ZFP64: variants seen among roughly 807,000 people sequenced by gnomAD.
ZFP64 encodes ZFP64 zinc finger protein, also known as zinc finger protein 64.
A neutral mutation model predicts 51.6 loss-of-function variants in ZFP64; 14 were observed. That is an observed-to-expected ratio of 0.27 (90% confidence interval 0.18 to 0.42). The LOEUF (loss-of-function observed/expected upper bound fraction) is 0.42, where lower values mean the gene tolerates loss of function less well. Ranked by LOEUF, ZFP64 falls within the 10% of genes least tolerant of loss-of-function variation. The pLI is 1.00. For synonymous variants in ZFP64, 375 were observed against 361.4 expected (o/e 1.04, Z -0.43); for missense variants, 754 against 906.8 (o/e 0.83, Z 2.16).
At chr20:52,185,860 C>CATGA (rs1983927480) in intron 2 of ZFP64, among the ~76,000 whole-genome samples, 1 of 152,090 alleles carries the variant, frequency 6.6e-6, no homozygotes, top group African/African-American at 2.4e-5. Context: ...GGATTACAGG[C>CATGA]ATGAGCCACC....
Position 52,152,808 on chromosome 20 carries a change from G to T in ZFP64, c.1384C>A (p.Gln462Lys). Residue 462 changes from glutamine to lysine, a missense_variant, in exon 6 of 6, where the codon CAG becomes AAG. This residue lies in a region of ZFP64 where 428 missense variants were observed against 472.4 expected (regional missense o/e 0.91). Transcript: ENST00000216923. ...TGCTTGCTGGGGTCGATCTGAAACT[G>T]GAGAACGGTCACGTCCGAGTTCTTA... ...ESKNSDVTVL[Q>K]FQIDPSKQPA... 1 of 1,612,158 alleles carries T rather than the reference G, an allele frequency of 6.2e-7. No individual in the cohort carries two copies.
intron 1 of ZFP64, among the ~76,000 whole-genome samples, chr20:52,190,093 G>C (rs145318446): frequency 6.6e-6 from 1 of 152,250 alleles, no homozygotes; most frequent in Non-Finnish European, 1.5e-5. Context: ...ACTTGCTAAG[G>C]AGACTGGGCT....
At chr20:52,088,700 A>G in intron 7 of ZFP64, 1 of 1,609,644 alleles carries the variant, frequency 6.2e-7, no homozygotes, top group Non-Finnish European at 8.5e-7. Context: ...GGCTACAAAG[A>G]TTTGACCAAG....
At chr20:52,103,947 T>C (rs915707488) in intron 5 of ZFP64, among the ~76,000 whole-genome samples, 2 of 152,186 alleles carry the variant, frequency 1.3e-5, no homozygotes, top group Non-Finnish European at 2.9e-5. Context: ...CCAGACCGAC[T>C]GTGGTGGAAG....
At chr20:52,139,949 C>G (rs1459788505) in intron 5 of ZFP64, among the ~76,000 whole-genome samples, 3 of 150,536 alleles carry the variant, frequency 2.0e-5, no homozygotes, top group South Asian at 2.1e-4. Flanking sequence ...CTTGGGGTCT[C>G]TGTGTCATAT....
intron 5 of ZFP64, among the ~76,000 whole-genome samples, chr20:52,123,076 C>T (rs565079525): frequency 1.3e-4 from 20 of 152,204 alleles, no homozygotes; most frequent in African/African-American, 4.1e-4. Context: ...CTGCAACCTC[C>T]ACCTCCTGGG....
chr20:52,124,588 A>G (rs1979356313), intron 5 of ZFP64, among the ~76,000 whole-genome samples: 1 of 151,912 alleles, frequency 6.6e-6, no homozygotes, highest in Admixed American at 6.6e-5. Flanking sequence ...AAAATATTGT[A>G]AAAAAGTAAA....
In ZFP64 at chr20:52,136,570, A is replaced by C. The variant is rs186285574; in HGVS notation, c.763+23553T>G. Reference sequence around the variant, plus strand: ...TAAAAAAGAATTTGACACATAACTGAAAATAAACTGTATCTCATTCTAGCA... The same window carrying C: ...TAAAAAAGAATTTGACACATAACTGCAAATAAACTGTATCTCATTCTAGCA... On this transcript the variant is annotated intron_variant, in intron 5 of 8. Coordinates refer to the ZFP64 transcript ENST00000361387. Among the ~76,000 whole-genome samples, 557 of 152,324 alleles carry C rather than the reference A, an allele frequency of 3.7e-3. 2 individuals are homozygous for C. Among genetic ancestry groups the C allele is most frequent in the African/African-American group, 0.013 (546 of 41,564 alleles).
intron 2 of ZFP64, among the ~76,000 whole-genome samples, chr20:52,176,238 C>A (rs1021609867): frequency 3.3e-5 from 5 of 152,150 alleles, no homozygotes; most frequent in Non-Finnish European, 7.3e-5. Flanking sequence ...ACCTTCCCCC[C>A]ACCCGCCCAA....
At chr20:52,146,039 C>A (rs1345663071) in intron 5 of ZFP64, among the ~76,000 whole-genome samples, 3 of 151,992 alleles carry the variant, frequency 2.0e-5, no homozygotes, top group Non-Finnish European at 4.4e-5. Flanking sequence ...ATTCTATAAG[C>A]CTTTTCTATT....
intron 5 of ZFP64, chr20:52,110,574 C>T: frequency 1.4e-6 from 1 of 715,616 alleles, no homozygotes; most frequent in Non-Finnish European, 2.5e-6. Flanking sequence ...GGTGGTCCTG[C>T]CGCTGCTTCC....
chr20:52,171,318 A>G (rs1982694776), intron 2 of ZFP64, among the ~76,000 whole-genome samples: 1 of 152,086 alleles, frequency 6.6e-6, no homozygotes, highest in East Asian at 1.9e-4. Flanking sequence ...ATGTGATTTG[A>G]TGCCGGAGTC....
At chr20:52,108,232 A>C (rs1467219577) in intron 5 of ZFP64, among the ~76,000 whole-genome samples, 2 of 152,154 alleles carry the variant, frequency 1.3e-5, no homozygotes, top group Non-Finnish European at 2.9e-5. Context: ...GAAAACAAAC[A>C]AACAAAACCC....
At chr20:52,164,158 A>C (rs1191030635) in intron 4 of ZFP64, among the ~76,000 whole-genome samples, 3 of 152,182 alleles carry the variant, frequency 2.0e-5, no homozygotes, top group African/African-American at 7.2e-5. Context: ...CAAAAAATAC[A>C]CAACATTAGC....
chr20:52,089,374 G>A (rs981370705), intron 7 of ZFP64, among the ~76,000 whole-genome samples: 13 of 152,110 alleles, frequency 8.5e-5, no homozygotes, highest in Admixed American at 2.0e-4. Context: ...CAGCAAAAAG[G>A]GTGTCGAATG....
In ZFP64 at chr20:52,153,160, C is replaced by T; in HGVS notation, c.1032G>A (p.Lys344=). The part of the protein sequence containing the change: ...SRVHQSEHPE[K]CSECSYSCSS... ...AGCAGGAGTAGCTGCATTCCGAGCA[C>T]TTCTCAGGATGCTCCGACTGGTGCA... is the stretch of plus-strand genomic sequence containing the variant. The change falls in exon 6 of 6, where the codon AAG becomes AAA. Residue 344 remains lysine, a synonymous_variant. Coordinates refer to ENST00000216923, the MANE Select transcript of ZFP64 (RefSeq NM_018197.3). The surrounding 1 kb of genome is among the most constrained non-coding windows in gnomAD (Gnocchi z 5.1). 6.2e-7 allele frequency: 1 copy of T among 1,614,218 alleles called. No homozygotes were observed. The highest frequency in any genetic ancestry group is 8.5e-7 in the Non-Finnish European group (1 of 1,180,042).
At chr20:52,126,580 T>C (rs1238789839) in intron 5 of ZFP64, among the ~76,000 whole-genome samples, 6 of 152,218 alleles carry the variant, frequency 3.9e-5, no homozygotes, top group African/African-American at 1.4e-4. Context: ...GAAATTTTAA[T>C]ACTGAGAAAA....
At position 52,085,344 on chromosome 20, in the gene ZFP64, T is replaced by C; in HGVS notation, c.1229-78A>G. ...CCACCCCAACCTGCCTTAGCACACT[T>C]GGCCGCCATGAGATGGTTGGGTTTT... On this transcript the variant is annotated intron_variant, in intron 8 of 8. Coordinates refer to the ZFP64 transcript ENST00000361387. The surrounding 1 kb of genome is among the most constrained non-coding windows in gnomAD (Gnocchi z 4.3). The C allele has an allele frequency of 7.0e-7, 1 of 1,434,972 alleles. No homozygotes were observed. The highest frequency in any genetic ancestry group is 9.3e-7 in the Non-Finnish European group (1 of 1,070,992). 88.9% of individuals were successfully genotyped at this position (1,434,972 alleles called of 1,614,324 possible).
chr20:52,085,294 G>C lies in ZFP64; in HGVS notation c.1229-28C>G. The C allele has an allele frequency of 1.3e-6, 2 of 1,572,212 alleles. No homozygotes were observed. Among genetic ancestry groups the C allele is most frequent in the African/African-American group, 2.7e-5 (2 of 74,472 alleles). On this transcript the variant is annotated intron_variant, in intron 8 of 8. Coordinates refer to the ZFP64 transcript ENST00000361387. This position sits in a 1 kb window ranked among gnomAD's most constrained non-coding sequence, Gnocchi z 4.3. ...AGCAATGGAAGGTGTGTTTCCATTA[G>C]AACAGGCAGGCAAAACAGACCCTCC...
Sources: allele counts gnomAD v4.1 joint callset (sites outside exome capture counted in the v4.1 genomes callset), GRCh38; gene constraint gnomAD v4.1.1; regional missense constraint gnomAD v4.1.1; non-coding constraint Gnocchi (gnomAD v3.1); transcripts MANE v1.5; gene names NCBI Gene and HGNC (gene_info 2026-07-23, HGNC 2026-07-21).